Variants in NELL1 observed in about 807,000 individuals in gnomAD.
NELL1 encodes the protein neural EGFL like 1, also known as protein kinase C-binding protein NELL1.
In NELL1, 76 loss-of-function variants were observed where a neutral mutation model predicts 107.4. That is an observed-to-expected ratio of 0.71 (90% CI 0.59 to 0.86). The LOEUF (loss-of-function observed/expected upper bound fraction) is 0.86, where lower values mean the gene tolerates loss of function less well. NELL1 is among the 40% of genes least tolerant of loss of function. The probability of loss-of-function intolerance (pLI) is 0.00; values close to 1 mark genes in which losing one functional copy is unlikely to be tolerated. For synonymous variants in NELL1, 353 were observed against 341.2 expected (o/e 1.03, Z -0.38); for missense variants, 1,024 against 1,005.5 (o/e 1.02, Z -0.25).
intron 14 of NELL1, chr11:21,284,450 G>T (rs1445674970): frequency 2.2e-6 from 1 of 458,240 alleles, no homozygotes. Flanking sequence ...TGTGCACAAG[G>T]TCAACATCAC....
At chr11:21,422,893 G>A (rs1321600129) in intron 15 of NELL1, among the ~76,000 whole-genome samples, 2 of 152,064 alleles carry the variant, frequency 1.3e-5, no homozygotes, top group Non-Finnish European at 2.9e-5. Flanking sequence ...ATAGAGATGG[G>A]CAGAATGGGT....
chr11:20,980,188 G>T (rs1304444456), intron 12 of NELL1, among the ~76,000 whole-genome samples: 1 of 152,160 alleles, frequency 6.6e-6, no homozygotes, highest in African/African-American at 2.4e-5. Flanking sequence ...TAGGTACTAA[G>T]ACTACAAAGG....
intron 13 of NELL1, among the ~76,000 whole-genome samples, chr11:21,132,786 G>A (rs998085973): frequency 1.4e-4 from 21 of 152,094 alleles, no homozygotes; most frequent in African/African-American, 4.3e-4. Flanking sequence ...GGTGGGGGAG[G>A]GGAGTGTTAG....
intron 8 of NELL1, 121 bp downstream of exon 8, chr11:20,927,563 T>A: frequency 1.2e-6 from 1 of 857,940 alleles, no homozygotes; most frequent in Non-Finnish European, 1.7e-6. Flanking sequence ...GGTTTTTACC[T>A]AGCACCCACT....
chr11:21,070,697 A>G (rs977959471), intron 12 of NELL1, among the ~76,000 whole-genome samples: 5 of 152,112 alleles, frequency 3.3e-5, no homozygotes, highest in African/African-American at 1.2e-4. Flanking sequence ...CATTCAGCAC[A>G]GTATTATTTG....
chr11:21,495,160 C>T (rs138481324), intron 15 of NELL1, among the ~76,000 whole-genome samples: 16 of 152,116 alleles, frequency 1.1e-4, no homozygotes, highest in Non-Finnish European at 2.1e-4. Context: ...AATCACTCCG[C>T]GTAATCCCTT....
intron 12 of NELL1, among the ~76,000 whole-genome samples, chr11:21,101,450 C>T (rs1854810278): frequency 6.6e-6 from 1 of 152,132 alleles, no homozygotes; most frequent in African/African-American, 2.4e-5. Flanking sequence ...TTTACAGTCC[C>T]AACAACAGTG....
At chr11:21,361,730 T>C (rs1354829766) in intron 14 of NELL1, among the ~76,000 whole-genome samples, 2 of 152,146 alleles carry the variant, frequency 1.3e-5, no homozygotes, top group African/African-American at 4.8e-5. Flanking sequence ...TTGAAAGCCT[T>C]GCCTTTTAGC....
chr11:21,272,625 C>T (rs1848764460), intron 14 of NELL1, among the ~76,000 whole-genome samples: 1 of 152,190 alleles, frequency 6.6e-6, no homozygotes, highest in Non-Finnish European at 1.5e-5. Context: ...TCTCTGACAC[C>T]CGAGTAGCCT....
intron 12 of NELL1, among the ~76,000 whole-genome samples, chr11:20,990,139 T>A (rs188700981): frequency 2.8e-4 from 42 of 152,352 alleles, no homozygotes; most frequent in African/African-American, 9.9e-4. Context: ...GTTTGGTTTT[T>A]CAGTTTTGCC....
At chr11:20,758,760 T>G (rs1162290630) in intron 2 of NELL1, among the ~76,000 whole-genome samples, 1 of 152,204 alleles carries the variant, frequency 6.6e-6, no homozygotes, top group Non-Finnish European at 1.5e-5. Flanking sequence ...ACTCACTAGA[T>G]TACAGTAGTG....
intron 12 of NELL1, among the ~76,000 whole-genome samples, chr11:20,999,589 G>A (rs541277127): frequency 7.9e-5 from 12 of 152,194 alleles, no homozygotes; most frequent in African/African-American, 2.9e-4. Flanking sequence ...CAAAGCATGA[G>A]TATGAGTCTT....
chr11:21,010,726 G>A (rs1180618891), intron 12 of NELL1, among the ~76,000 whole-genome samples: 11 of 152,192 alleles, frequency 7.2e-5, no homozygotes, highest in East Asian at 3.9e-4. Flanking sequence ...GTGAGGTGCC[G>A]TAAAGCTTGA....
chr11:20,852,023 G>A (rs1035796193), intron 4 of NELL1, among the ~76,000 whole-genome samples: 1 of 152,222 alleles, frequency 6.6e-6, no homozygotes. Context: ...AGAGATGGAT[G>A]GCTTTTAATT....
At chr11:20,725,954 A>T (rs547311070) in intron 2 of NELL1, among the ~76,000 whole-genome samples, 1 of 152,274 alleles carries the variant, frequency 6.6e-6, no homozygotes, top group South Asian at 2.1e-4. Flanking sequence ...CTTTATGTCC[A>T]TGTTTCCCAA....
At chr11:20,908,026 G>A (rs1850042856) in intron 5 of NELL1, among the ~76,000 whole-genome samples, 1 of 152,032 alleles carries the variant, frequency 6.6e-6, no homozygotes, top group Non-Finnish European at 1.5e-5. Flanking sequence ...CAGTCAGAAT[G>A]GCGATTATTA....
intron 9 of NELL1, among the ~76,000 whole-genome samples, chr11:20,935,278 T>C (rs913722912): frequency 2.6e-5 from 4 of 152,152 alleles, no homozygotes; most frequent in South Asian, 2.1e-4. Context: ...GTGAGGACGA[T>C]TAACCAGTGT....
At chr11:20,900,165 C>T (rs1849841278) in intron 5 of NELL1, among the ~76,000 whole-genome samples, 1 of 152,124 alleles carries the variant, frequency 6.6e-6, no homozygotes, top group African/African-American at 2.4e-5. Flanking sequence ...ATGGCCTTAG[C>T]TGGTATGGCT....
At chr11:20,983,854 A>C (rs912654416) in intron 12 of NELL1, among the ~76,000 whole-genome samples, 17 of 152,156 alleles carry the variant, frequency 1.1e-4, no homozygotes, top group Non-Finnish European at 1.5e-4. Context: ...TGTAAGGAAC[A>C]AGATGGATCC....
Sources: gnomAD v4.1 joint callset for allele counts (sites outside exome capture counted in the v4.1 genomes callset) on GRCh38, gnomAD v4.1.1 for gene constraint, MANE v1.5 for transcripts, NCBI Gene and HGNC (gene_info 2026-07-23, HGNC 2026-07-21) for gene names.